RGS7: variants seen among roughly 807,000 people sequenced by gnomAD.
RGS7 encodes regulator of G-protein signaling 7.
In RGS7, 27 loss-of-function variants were observed where a neutral mutation model predicts 81.1. The observed-to-expected ratio is 0.33, with a 90% CI of 0.25 to 0.46. The LOEUF is 0.46. Ranked by LOEUF, RGS7 falls within the 20% of genes least tolerant of loss-of-function variation. The pLI is 1.00. For missense variants in RGS7, 396 were observed against 607.4 expected (o/e 0.65, Z 3.66); for synonymous variants, 208 against 207.7 (o/e 1.00, Z -0.01).
intron 2 of RGS7, among the ~76,000 whole-genome samples, chr1:241,220,987 AAGGAAGGAAGAGAGAG>A (rs2074900476): frequency 1.7e-5 from 1 of 60,108 alleles, no homozygotes; most frequent in Non-Finnish European, 3.8e-5. Flanking sequence ...GGAAGGAAGG[AAGGAAGGAAGAGAGAG>A]AGAAAGGAAG....
intron 2 of RGS7, among the ~76,000 whole-genome samples, chr1:241,298,589 A>G (rs1441465369): frequency 6.6e-6 from 1 of 152,176 alleles, no homozygotes; most frequent in Non-Finnish European, 1.5e-5. Context: ...AATTATCTGT[A>G]CCCTCGGGTA....
intron 2 of RGS7, among the ~76,000 whole-genome samples, chr1:241,281,692 G>C (rs1213526979): frequency 1.3e-5 from 2 of 152,130 alleles, no homozygotes; most frequent in African/African-American, 2.4e-5. Context: ...GCATGGCACT[G>C]TAAATGTACT....
chr1:240,878,136 C>T (rs1479815429), intron 6 of RGS7, among the ~76,000 whole-genome samples: 1 of 152,180 alleles, frequency 6.6e-6, no homozygotes, highest in Non-Finnish European at 1.5e-5. Context: ...CTGGAGAGCC[C>T]TACCCCAGAG....
At chr1:241,169,336 CTTTTTTTTTTTT>C (rs57753661) in intron 2 of RGS7, among the ~76,000 whole-genome samples, 1 of 74,274 alleles carries the variant, frequency 1.3e-5, no homozygotes, top group African/African-American at 5.5e-5. Flanking sequence ...ATGTGTGTTT[CTTTTTTTTTTTT>C]TTTTTTTTTT....
At chr1:241,097,465 A>G (rs1172441972) in intron 3 of RGS7, among the ~76,000 whole-genome samples, 2 of 152,036 alleles carry the variant, frequency 1.3e-5, no homozygotes, top group African/African-American at 2.4e-5. Context: ...CCGCTTCCCT[A>G]TTATTCCTGT....
intron 2 of RGS7, among the ~76,000 whole-genome samples, chr1:241,294,210 T>C (rs1425450716): frequency 2.6e-5 from 4 of 151,864 alleles, no homozygotes; most frequent in Non-Finnish European, 5.9e-5. Context: ...AAACACCACA[T>C]GTTCTCACTC....
rs191158416 is a variant in RGS7, at chr1:241,345,581, A to C, written c.78+10118T>G. On this transcript the variant is annotated intron_variant, in intron 2 of 18. Transcript: ENST00000440928. The stretch of plus-strand genomic sequence containing the variant: ...TCAACGCCTATTTTTCTATTATAAA[A>C]GTGAGTAAAATGAATATTGCTCCTA... Among the ~76,000 whole-genome samples, 11 of 152,340 alleles carry C rather than the reference A, an allele frequency of 7.2e-5. No individual in the cohort carries two copies. The East Asian group carries it at 2.1e-3, about 29-fold the overall frequency.
At chr1:240,834,612 G>A (rs935239734) in intron 9 of RGS7, among the ~76,000 whole-genome samples, 2 of 152,262 alleles carry the variant, frequency 1.3e-5, no homozygotes, top group African/African-American at 4.8e-5. Flanking sequence ...CCGGGTTCAC[G>A]CCATTCTCCT....
At chr1:240,843,456 AG>A (rs1658491236) in intron 9 of RGS7, among the ~76,000 whole-genome samples, 1 of 151,360 alleles carries the variant, frequency 6.6e-6, no homozygotes, top group Non-Finnish European at 1.5e-5. Flanking sequence ...TGTAGGGATG[AG>A]GTTTTGCTAT....
intron 2 of RGS7, among the ~76,000 whole-genome samples, chr1:241,344,412 G>A (rs181573553): frequency 2.6e-5 from 4 of 152,224 alleles, no homozygotes; most frequent in Admixed American, 2.6e-4. Flanking sequence ...CCCTTTTCTG[G>A]ACAATTACAA....
intron 6 of RGS7, among the ~76,000 whole-genome samples, chr1:240,870,644 T>TA (rs747153020): frequency 7.2e-5 from 11 of 152,192 alleles, no homozygotes; most frequent in Admixed American, 2.0e-4. Flanking sequence ...CATAATCATT[T>TA]AAAAATTTTT....
At chr1:241,294,051 C>T (rs1041194671) in intron 2 of RGS7, among the ~76,000 whole-genome samples, 14 of 152,118 alleles carry the variant, frequency 9.2e-5, no homozygotes, top group African/African-American at 2.9e-4. Context: ...AAATCCCCAT[C>T]GGTGATAGAC....
At chr1:241,160,848 C>G (rs2069591382) in intron 2 of RGS7, among the ~76,000 whole-genome samples, 2 of 152,088 alleles carry the variant, frequency 1.3e-5, no homozygotes, top group South Asian at 4.2e-4. Flanking sequence ...CTTATCAAAC[C>G]ATCCCGGCCT....
chr1:240,980,874 T>C (rs1684812710), intron 4 of RGS7, among the ~76,000 whole-genome samples: 2 of 152,200 alleles, frequency 1.3e-5, no homozygotes, highest in South Asian at 4.1e-4. Flanking sequence ...ACATGTATGT[T>C]CCTTCCTGGA....
At chr1:240,992,413 A>G (rs1686584006) in intron 3 of RGS7, among the ~76,000 whole-genome samples, 2 of 152,210 alleles carry the variant, frequency 1.3e-5, no homozygotes, top group South Asian at 4.2e-4. Context: ...CTGAGGCAGG[A>G]GAATCACTTG....
intron 2 of RGS7, among the ~76,000 whole-genome samples, chr1:241,106,301 T>A (rs555265656): frequency 6.6e-6 from 1 of 152,334 alleles, no homozygotes; most frequent in South Asian, 2.1e-4. Context: ...AATTAATTAC[T>A]CTTTTCATAT....
At chr1:241,224,232 C>T (rs565339219) in intron 2 of RGS7, among the ~76,000 whole-genome samples, 130 of 150,636 alleles carry the variant, frequency 8.6e-4, no homozygotes, top group African/African-American at 3.0e-3. Flanking sequence ...TTCTCCAATG[C>T]TATCCCACCT....
At chr1:241,068,259 A>T (rs868000594) in intron 3 of RGS7, among the ~76,000 whole-genome samples, 462 of 18,816 alleles carry the variant, frequency 0.025, 26 homozygotes, top group African/African-American at 0.062. Context: ...TATATATATA[A>T]AATATTGTGT....
chr1:241,355,566 TATA>T (rs1488034190), intron 2 of RGS7, 130 bp downstream of exon 2: 1 of 809,310 alleles, frequency 1.2e-6, no homozygotes, highest in Admixed American at 1.8e-5. Context: ...CTTTCACGTA[TATA>T]GTACATAATC....
Sources: allele counts gnomAD v4.1 joint callset (sites outside exome capture counted in the v4.1 genomes callset), GRCh38; gene constraint gnomAD v4.1.1; transcripts MANE v1.5; gene names NCBI Gene and HGNC (gene_info 2026-07-23, HGNC 2026-07-21).